Variants in MCHR2 observed in about 807,000 individuals in gnomAD.
The protein encoded by MCHR2 is melanin-concentrating hormone receptor 2.
MCHR2 carries 15 observed loss-of-function variants against 24.8 expected under a neutral mutation model. The ratio of observed to expected loss-of-function variants is 0.60; its 90% CI spans 0.40 to 0.93. MCHR2 has a LOEUF of 0.93. Among genes scored for constraint, MCHR2 ranks in the 40% least tolerant of loss-of-function variants. The pLI, the probability that MCHR2 is intolerant of heterozygous loss-of-function variation, is 0.00. For synonymous variants in MCHR2, 151 were observed against 147.6 expected (o/e 1.02, Z -0.17); for missense variants, 386 against 408.7 (o/e 0.94, Z 0.48).
chr6:99,952,750 T>G (rs150520755), intron 2 of MCHR2, among the ~76,000 whole-genome samples: 6 of 152,228 alleles, frequency 3.9e-5, no homozygotes, highest in African/African-American at 1.4e-4. Flanking sequence ...TTTTGAAAGA[T>G]TAATACATTT....
At chr6:99,927,126 G>A (rs1011766217) in intron 5 of MCHR2, among the ~76,000 whole-genome samples, 17 of 152,200 alleles carry the variant, frequency 1.1e-4, no homozygotes, top group Admixed American at 1.0e-3. Flanking sequence ...TCTCAGGTTT[G>A]TCAAAGATCA....
chr6:99,937,926 A>G (rs1774696219), intron 4 of MCHR2, among the ~76,000 whole-genome samples: 1 of 151,704 alleles, frequency 6.6e-6, no homozygotes, highest in African/African-American at 2.4e-5. Context: ...TCATGGTTCA[A>G]TCTTGGCAGG....
chr6:99,977,058 G>T (rs1456994480), intron 1 of MCHR2, among the ~76,000 whole-genome samples: 1 of 152,066 alleles, frequency 6.6e-6, no homozygotes, highest in Non-Finnish European at 1.5e-5. Flanking sequence ...ATTTTGGTTT[G>T]GTATAAGTAA....
chr6:99,956,247 A>G, intron 1 of MCHR2, 73 bp from the exon 2 acceptor site: 1 of 1,101,774 alleles, frequency 9.1e-7, no homozygotes, highest in Non-Finnish European at 1.3e-6. Context: ...AATTCAAATA[A>G]TATTTTTTGG....
intron 5 of MCHR2, among the ~76,000 whole-genome samples, 187 bp from the exon 6 acceptor site, chr6:99,921,442 G>C (rs1332300757): frequency 2.0e-5 from 3 of 152,020 alleles, no homozygotes; most frequent in Non-Finnish European, 4.4e-5. Flanking sequence ...ACTTTCCAAA[G>C]TTTCCAAAGC....
At chr6:99,968,124 C>T (rs776407215) in intron 1 of MCHR2, among the ~76,000 whole-genome samples, 5 of 152,080 alleles carry the variant, frequency 3.3e-5, no homozygotes, top group Non-Finnish European at 5.9e-5. Flanking sequence ...TCATCATGAT[C>T]ATCATTATGC....
intron 4 of MCHR2, among the ~76,000 whole-genome samples, chr6:99,942,495 A>T (rs77289306): frequency 0.021 from 3,175 of 152,296 alleles, 45 homozygotes; most frequent in Non-Finnish European, 0.031. Flanking sequence ...TAGCTTGATT[A>T]CATCTGAAAA....
chr6:99,926,656 G>C (rs370836282), intron 5 of MCHR2, among the ~76,000 whole-genome samples: 1 of 152,116 alleles, frequency 6.6e-6, no homozygotes, highest in Non-Finnish European at 1.5e-5. Flanking sequence ...GTCTGTTCAT[G>C]TCCTTCGCCC....
At chr6:99,953,304 A>T (rs376520981) in intron 2 of MCHR2, among the ~76,000 whole-genome samples, 1 of 152,166 alleles carries the variant, frequency 6.6e-6, no homozygotes, top group African/African-American at 2.4e-5. Context: ...CTAACACCTA[A>T]TAAGGACCTG....
intron 5 of MCHR2, among the ~76,000 whole-genome samples, chr6:99,922,934 A>T (rs946568725): frequency 1.3e-5 from 2 of 151,886 alleles, no homozygotes; most frequent in Non-Finnish European, 2.9e-5. Flanking sequence ...GAAGAATATC[A>T]TTGGTATTTT....
chr6:99,950,232 T>A (rs981763112), intron 2 of MCHR2, among the ~76,000 whole-genome samples: 1 of 152,114 alleles, frequency 6.6e-6, no homozygotes, highest in Admixed American at 6.6e-5. Context: ...TAGGGCAATA[T>A]GAATAACACA....
chr6:99,972,726 G>C (rs1298866792), intron 1 of MCHR2, among the ~76,000 whole-genome samples: 10 of 151,976 alleles, frequency 6.6e-5, no homozygotes, highest in Admixed American at 6.6e-5. Flanking sequence ...TCTACATACT[G>C]CTTTGAATGT....
chr6:99,935,745 A>G (rs2114508400), intron 4 of MCHR2, among the ~76,000 whole-genome samples: 1 of 152,040 alleles, frequency 6.6e-6, no homozygotes, highest in Admixed American at 6.6e-5. Flanking sequence ...CTGTCGGATC[A>G]TATGGTAGTT....
intron 5 of MCHR2, among the ~76,000 whole-genome samples, chr6:99,933,103 G>T (rs539708399): frequency 6.6e-6 from 1 of 152,042 alleles, no homozygotes; most frequent in South Asian, 2.1e-4. Context: ...GTCATATTTA[G>T]GCGTTTAATG....
rs1775789588 is a variant in MCHR2 at position 99,987,411 on chromosome 6, A to C, written c.-28+6525T>G. ...TCCAGTTTTGGATAGGTATGTAATT[A>C]AATTTTTTCACAGCATATAGTATGC... is the stretch of plus-strand genomic sequence containing the variant. On this transcript the variant is annotated intron_variant, in intron 1 of 5. Transcript: ENST00000281806. 2.0e-5 allele frequency among the ~76,000 whole-genome samples: 3 copies of C among 152,196 alleles called. No homozygotes were observed. In the South Asian group the frequency reaches 6.2e-4, roughly 31 times the overall value.
rs202108018 is a variant in MCHR2 at position 99,955,982 on chromosome 6, C to T, written c.166G>A (p.Val56Ile). Residue 56 changes from valine to isoleucine, a missense_variant, in exon 2 of 6, where the codon GTA becomes ATA. Coordinates refer to ENST00000281806, the MANE Select transcript of MCHR2 (RefSeq NM_001040179.2). ...ATTCCTTACCTTATTATAGTGAATA[C>T]AATGAGGATGTTGCCAACCAGCCCT... ...STGLVGNILIVFTIIRSRKKT... is the reference protein window; with the variant it reads ...STGLVGNILIIFTIIRSRKKT... The T allele has an allele frequency of 6.3e-7, 1 of 1,597,658 alleles. No individual in the cohort carries two copies. The highest frequency in any genetic ancestry group is 8.5e-7 in the Non-Finnish European group (1 of 1,173,388).
At chr6:99,965,866 AAATAT>A (rs1182691125) in intron 1 of MCHR2, among the ~76,000 whole-genome samples, 2 of 152,208 alleles carry the variant, frequency 1.3e-5, no homozygotes, top group African/African-American at 4.8e-5. Context: ...TCTCTTCTCC[AAATAT>A]AATCTACAGG....
chr6:99,991,505 A>C (rs1052642682), intron 1 of MCHR2, among the ~76,000 whole-genome samples: 2 of 152,180 alleles, frequency 1.3e-5, no homozygotes, highest in Non-Finnish European at 2.9e-5. Context: ...GTGAGGATTT[A>C]ATGAAATGAA....
At chr6:99,931,287 G>T (rs1245679092) in intron 5 of MCHR2, among the ~76,000 whole-genome samples, 1 of 152,198 alleles carries the variant, frequency 6.6e-6, no homozygotes, top group African/African-American at 2.4e-5. Flanking sequence ...GGGGTCAGGG[G>T]TCAGGGACCC....
Sources: gnomAD v4.1 joint callset for allele counts (sites outside exome capture counted in the v4.1 genomes callset) on GRCh38, gnomAD v4.1.1 for gene constraint, MANE v1.5 for transcripts, NCBI Gene and HGNC (gene_info 2026-07-23, HGNC 2026-07-21) for gene names.